The following JAK1 variants were observed in gnomAD, a reference collection of about 807,000 sequenced individuals.
JAK1 encodes the protein tyrosine-protein kinase JAK1.
JAK1 carries 16 observed loss-of-function variants against 136.6 expected under a neutral mutation model. The ratio of observed to expected loss-of-function variants is 0.12; its 90% CI spans 0.08 to 0.18. JAK1 has a LOEUF of 0.18. Among genes scored for constraint, JAK1 ranks in the 10% least tolerant of loss-of-function variants. JAK1 has a pLI of 1.00. For synonymous variants in JAK1, 492 were observed against 519.5 expected (o/e 0.95, Z 0.72); for missense variants, 859 against 1,450.1 (o/e 0.59, Z 6.62).
chr1:64,981,024 A>G (rs1646540690), intron 2 of JAK1, among the ~76,000 whole-genome samples: 2 of 152,086 alleles, frequency 1.3e-5, no homozygotes, highest in Admixed American at 1.3e-4. Flanking sequence ...TATTTATTCT[A>G]TTACACCTAA....
intron 8 of JAK1, among the ~76,000 whole-genome samples, chr1:64,860,485 A>C (rs1049744917): frequency 1.3e-5 from 2 of 150,168 alleles, no homozygotes; most frequent in East Asian, 2.0e-4. Context: ...ATGGAGTTTC[A>C]CTCTGTCGCC....
chr1:64,897,813 G>A (rs1399739818), intron 1 of JAK1, among the ~76,000 whole-genome samples: 1 of 151,918 alleles, frequency 6.6e-6, no homozygotes, highest in Non-Finnish European at 1.5e-5. Context: ...CGTGGGGTGG[G>A]GGTTCTCACA....
rs541635487 is a variant in JAK1, at chr1:64,838,695, C to T, written c.2843-106G>A. The T allele has an allele frequency of 4.8e-5, 53 of 1,104,024 alleles. No individual in the cohort carries two copies. The South Asian group carries it at 4.9e-4, about 10-fold the overall frequency. The allele number at this position is 1,104,024 out of a possible 1,614,324, so 68.4% of individuals were successfully genotyped here. A position where few individuals can be genotyped will look rare whatever the true frequency, so the allele number is the denominator to read the frequency against. ...AGAGGCCCTGAGGTGACGCCAGCTT[C>T]GCCCCTTCATTACAGGCATGTTACT... On this transcript the variant is annotated intron_variant, in intron 20 of 24. Coordinates refer to ENST00000342505, the MANE Select transcript of JAK1 (RefSeq NM_002227.4).
intron 1 of JAK1, among the ~76,000 whole-genome samples, chr1:64,919,126 C>T (rs2100354015): frequency 6.6e-6 from 1 of 152,202 alleles, no homozygotes; most frequent in South Asian, 2.1e-4. Context: ...GTTAACTTGT[C>T]ATTTACATTA....
At chr1:64,930,690 C>T (rs1199193118) in intron 1 of JAK1, among the ~76,000 whole-genome samples, 1 of 152,190 alleles carries the variant, frequency 6.6e-6, no homozygotes, top group African/African-American at 2.4e-5. Flanking sequence ...TATAAAGACA[C>T]ATGCACATAT....
chr1:64,983,614 G>A (rs1646570843), intron 2 of JAK1, among the ~76,000 whole-genome samples: 2 of 152,184 alleles, frequency 1.3e-5, no homozygotes, highest in Admixed American at 1.3e-4. Flanking sequence ...CCAGATGGGT[G>A]GTGGGGTTAC....
chr1:64,838,653 G>A, intron 20 of JAK1, 64 bp from the exon 21 acceptor site: 2 of 1,573,092 alleles, frequency 1.3e-6, no homozygotes, highest in African/African-American at 1.3e-5. Flanking sequence ...GAGAGGCAAG[G>A]GCACAGGATA....
rs553112816 is a variant in JAK1, at chr1:64,920,580, AAAATTAAATT to A, written c.-77-34249_-77-34240del. ...AGACTAGACTACACTAGACCAAACT[AAAATTAAATT>A]AAATTAAATTAATGCTGGCAGTGGA... On this transcript the variant is annotated intron_variant, in intron 1 of 24. Transcript: ENST00000342505. Among the ~76,000 whole-genome samples, 3 of 152,308 alleles carry A rather than the reference AAAATTAAATT, an allele frequency of 2.0e-5. No homozygotes were observed. The East Asian group carries it at 5.8e-4, about 29-fold the overall frequency.
rs775334736 is a variant in JAK1 at position 64,850,786 on chromosome 1, C to A, written c.1755+18G>T. 6.4e-7 allele frequency: 1 copy of A among 1,569,696 alleles called. No homozygotes were observed. Among genetic ancestry groups the A allele is most frequent in the South Asian group, 1.1e-5 (1 of 89,946 alleles). On this transcript the variant is annotated intron_variant, in intron 12 of 24. Transcript: ENST00000342505. ...AGGCAGGACCACAGCTGGCCCACAC[C>A]CTGCAGCCGTGACTCACCTGCACCA...
intron 22 of JAK1, among the ~76,000 whole-genome samples, chr1:64,836,868 T>C (rs898927456): frequency 3.3e-5 from 5 of 152,114 alleles, no homozygotes; most frequent in Non-Finnish European, 7.3e-5. Context: ...TCAGTGGTGG[T>C]CTTTTTAAAA....
At chr1:65,015,388 A>C (rs1014148060) in intron 2 of JAK1, among the ~76,000 whole-genome samples, 6 of 152,220 alleles carry the variant, frequency 3.9e-5, no homozygotes, top group Admixed American at 2.6e-4. Context: ...CTTTTTACTT[A>C]ATAGGTGATA....
intron 1 of JAK1, among the ~76,000 whole-genome samples, chr1:65,046,235 A>G (rs1004857076): frequency 2.0e-5 from 3 of 152,206 alleles, no homozygotes; most frequent in South Asian, 4.1e-4. Context: ...GTTTACTTTG[A>G]AAGACTTGGG....
At chr1:64,936,899 A>AT (rs1409467800) in intron 1 of JAK1, among the ~76,000 whole-genome samples, 1 of 152,128 alleles carries the variant, frequency 6.6e-6, no homozygotes, top group Non-Finnish European at 1.5e-5. Context: ...ATATTTGACC[A>AT]TTTTTATGTA....
At chr1:64,910,421 GAA>G (rs1260466757) in intron 1 of JAK1, among the ~76,000 whole-genome samples, 1 of 152,194 alleles carries the variant, frequency 6.6e-6, no homozygotes. Context: ...TTTGAGGAAT[GAA>G]AAGTTTTTCT....
chr1:64,974,562 C>A (rs1053240612), intron 2 of JAK1: 1 of 152,184 alleles, frequency 6.6e-6, no homozygotes, highest in Non-Finnish European at 1.5e-5. Flanking sequence ...TAGCAGCTAG[C>A]TGGAGAACAT....
intron 1 of JAK1, among the ~76,000 whole-genome samples, chr1:64,955,493 T>C (rs1646170364): frequency 6.6e-6 from 1 of 152,088 alleles, no homozygotes; most frequent in South Asian, 2.1e-4. Flanking sequence ...GAAAGCAAAA[T>C]AATGAATAAT....
At chr1:64,912,524 T>TA (rs755878986) in intron 1 of JAK1, among the ~76,000 whole-genome samples, 5 of 152,220 alleles carry the variant, frequency 3.3e-5, no homozygotes, top group Admixed American at 6.5e-5. Context: ...CAAAAGATAG[T>TA]AATGGTCACG....
intron 2 of JAK1, 69 bp downstream of exon 2, chr1:64,886,190 G>T: frequency 9.6e-7 from 1 of 1,039,348 alleles, no homozygotes; most frequent in Non-Finnish European, 1.5e-6. Context: ...ACAGCCTCAA[G>T]AACACGGTTT....
At chr1:64,869,231 T>G in intron 6 of JAK1, 80 bp downstream of exon 6, 1 of 1,348,714 alleles carries the variant, frequency 7.4e-7, no homozygotes, top group Non-Finnish European at 1.0e-6. Context: ...ACCCTGGCAG[T>G]AATTAAGCTG....
Sources: allele counts gnomAD v4.1 joint callset (sites outside exome capture counted in the v4.1 genomes callset), GRCh38; gene constraint gnomAD v4.1.1; transcripts MANE v1.5; gene names NCBI Gene and HGNC (gene_info 2026-07-23, HGNC 2026-07-21).